The following SLC9A5 variants were observed in gnomAD, a reference collection of about 807,000 sequenced individuals.
The protein encoded by SLC9A5 is solute carrier family 9 member A5, also known as sodium/hydrogen exchanger 5.
SLC9A5 carries 52 observed loss-of-function variants against 91.7 expected under a neutral mutation model. The ratio of observed to expected loss-of-function variants is 0.57; its 90% CI spans 0.45 to 0.71. The LOEUF (loss-of-function observed/expected upper bound fraction) is 0.71. Ranked by LOEUF, SLC9A5 falls within the 30% of genes least tolerant of loss-of-function variation. SLC9A5 has a pLI of 0.00. For missense variants in SLC9A5, 871 were observed against 1,158.9 expected, an observed-to-expected ratio of 0.75 and a Z score of 3.61; for synonymous variants, 419 against 474.5, an observed-to-expected ratio of 0.88 and a Z score of 1.52.
rs757837075 is a variant in SLC9A5, at chr16:67,255,076, G to A, written c.546G>A (p.Ser182=). ...LDFLLFGSLI[S]AVDPVAVLAV... is the part of the protein sequence containing the mutation. ...TCCTGCTGTTTGGGAGCCTCATCTC[G>A]GCGGTGGACCCCGTGGCCGTGCTAG... Residue 182 remains serine (S), a synonymous_variant, in exon 3 of 16, where the codon TCG becomes TCA. Transcript: ENST00000299798. The surrounding 1 kb of genome is among the most constrained non-coding windows in gnomAD (Gnocchi z 4.9). 8.7e-6 allele frequency: 14 copies of A among 1,613,964 alleles called. No homozygotes were observed. The highest frequency in any genetic ancestry group is 5.0e-5 in the Admixed American group (3 of 59,982).
chr16:67,257,721 C>T lies in SLC9A5; in HGVS notation c.1496+120C>T, dbSNP rs143003067. 108 of 1,011,854 alleles carry T rather than the reference C, an allele frequency of 1.1e-4. 1 individual carries two copies. In the East Asian group the frequency reaches 2.6e-3, roughly 24 times the overall value. 62.7% of individuals were successfully genotyped at this position (1,011,854 alleles called of 1,614,324 possible). A position where few individuals can be genotyped will look rare whatever the true frequency, so the allele number is the denominator to read the frequency against. The stretch of plus-strand genomic sequence containing the variant: ...CAGGTTCAGGCTGGGTGACCTCTGC[C>T]TGAAGCCCTTCAGTGGCATCCCAGT... On this transcript the variant is annotated intron_variant, in intron 9 of 15. Coordinates refer to ENST00000299798, the MANE Select transcript of SLC9A5 (RefSeq NM_004594.3). This position sits in a 1 kb window ranked among gnomAD's most constrained non-coding sequence, Gnocchi z 5.1.
chr16:67,270,617 C>G lies in SLC9A5; in HGVS notation c.2219-121C>G, dbSNP rs755262877. On this transcript the variant is annotated intron_variant, in intron 15 of 15. Coordinates refer to ENST00000299798, the MANE Select transcript of SLC9A5 (RefSeq NM_004594.3). The surrounding 1 kb of genome is among the most constrained non-coding windows in gnomAD (Gnocchi z 4.3). ...TGGTACTTCGCCTCAGCAAGACATT[C>G]ATCCGATAATCGCAAAAATGGACGG... 20 of 694,888 alleles carry G rather than the reference C, an allele frequency of 2.9e-5. No homozygotes were observed. Among genetic ancestry groups the G allele is most frequent in the Non-Finnish European group, 4.8e-5 (20 of 419,536 alleles). The allele number at this position is 694,888 out of a possible 1,614,324, so 43.0% of individuals were successfully genotyped here.
intron 12 of SLC9A5, chr16:67,262,623 TG>T (rs1253334261): frequency 7.4e-6 from 2 of 268,476 alleles, no homozygotes; most frequent in African/African-American, 4.4e-5. Flanking sequence ...TGACTGATGT[TG>T]GGGGACCACA....
intron 2 of SLC9A5, 121 bp from the exon 3 acceptor site, chr16:67,254,900 G>A: frequency 1.1e-6 from 1 of 911,198 alleles, no homozygotes; most frequent in Non-Finnish European, 1.6e-6. Flanking sequence ...GCCATCCCAA[G>A]TCCTCTTTGG....
chr16:67,265,693 G>C (rs8052493), intron 14 of SLC9A5, among the ~76,000 whole-genome samples: 5,302 of 152,248 alleles, frequency 0.035, 308 homozygotes, highest in African/African-American at 0.12. Flanking sequence ...AAAGTGTTGG[G>C]ATTACAGGTG....
chr16:67,268,660 A>T (rs186003433), intron 15 of SLC9A5, among the ~76,000 whole-genome samples: 808 of 13,378 alleles, frequency 0.06, 7 homozygotes, highest in African/African-American at 0.18. Context: ...TTCCCTGATT[A>T]TATATATATA....
chr16:67,262,299 C>T (rs1220110489), intron 12 of SLC9A5: 2 of 457,082 alleles, frequency 4.4e-6, no homozygotes, highest in Admixed American at 4.7e-5. Context: ...GGTATGGTAA[C>T]TCAACCAGTT....
chr16:67,256,025 T>C lies in SLC9A5; in HGVS notation c.911+95T>C, dbSNP rs141308182. Reference sequence around the variant, plus strand: ...CACAGGCAGGAACTTCAGGAGTCCATAGGTTTCCCTGAGCCCTTGTGGTAG... The same window carrying C: ...CACAGGCAGGAACTTCAGGAGTCCACAGGTTTCCCTGAGCCCTTGTGGTAG... On this transcript the variant is annotated intron_variant, in intron 5 of 15. Coordinates refer to ENST00000299798, the MANE Select transcript of SLC9A5 (RefSeq NM_004594.3). This position sits in a 1 kb window ranked among gnomAD's most constrained non-coding sequence, Gnocchi z 4.1. 8.2e-6 allele frequency: 11 copies of C among 1,341,072 alleles called. No individual in the cohort carries two copies. Among genetic ancestry groups the C allele is most frequent in the East Asian group, 2.4e-5 (1 of 40,948 alleles). 83.1% of individuals were successfully genotyped at this position (1,341,072 alleles called of 1,614,324 possible). A position where few individuals can be genotyped will look rare whatever the true frequency, so the allele number is the denominator to read the frequency against.
chr16:67,258,685 T>G lies in SLC9A5; in HGVS notation c.1626+238T>G, dbSNP rs2035408494. Among the ~76,000 whole-genome samples, 1 of 152,164 alleles carries G rather than the reference T, an allele frequency of 6.6e-6. No homozygotes were observed. The highest frequency in any genetic ancestry group is 2.1e-4 in the South Asian group (1 of 4,824). On this transcript the variant is annotated intron_variant, in intron 10 of 15. Transcript: ENST00000299798. This position sits in a 1 kb window ranked among gnomAD's most constrained non-coding sequence, Gnocchi z 4.5. ...TGGACTCTGGGGTCAGCTCAACCAT[T>G]ATCACTTCCAAGCTTGTGACCTTGG...
rs2035077332 is a variant in SLC9A5, at chr16:67,250,549, A to C, written c.187+1348A>C. ...AGCAAAAACTGTAGTTTTCCCCATA[A>C]ATCATGGTTCTTTTTCTAGTTTGGA... On this transcript the variant is annotated intron_variant, in intron 1 of 15. Transcript: ENST00000299798. Among the ~76,000 whole-genome samples the C allele has an allele frequency of 2.0e-5, 3 of 152,246 alleles. No homozygotes were observed. The South Asian group carries it at 6.2e-4, about 31-fold the overall frequency.
chr16:67,266,908 T>TC (rs1453610313), intron 15 of SLC9A5, among the ~76,000 whole-genome samples: 1 of 141,250 alleles, frequency 7.1e-6, no homozygotes, highest in East Asian at 1.9e-4. Flanking sequence ...TTTTTCTTTT[T>TC]CTTTTTTTTT....
At chr16:67,267,914 C>T (rs1278016120) in intron 15 of SLC9A5, among the ~76,000 whole-genome samples, 1 of 152,206 alleles carries the variant, frequency 6.6e-6, no homozygotes, top group Non-Finnish European at 1.5e-5. Flanking sequence ...ACCTAAACCT[C>T]ACCTATGCCC....
rs375616125 is a variant in SLC9A5, at chr16:67,271,081, G to C, written c.2562G>C (p.Glu854Asp). ...CCAAGGCTGGCCGCTCTCGCAGTGA[G>C]AGCAGCGCTGACCTCCCCCAGCAGC... ...SLAKAGRSRS[E>D]SSADLPQQQE... Residue 854 changes from glutamate to aspartate, a missense_variant, in exon 16 of 16, where the codon GAG becomes GAC. By Grantham distance (45) the Glu-to-Asp change is conservative (BLOSUM62 2). Coordinates refer to ENST00000299798, the MANE Select transcript of SLC9A5 (RefSeq NM_004594.3). The C allele has an allele frequency of 6.2e-6, 10 of 1,613,624 alleles. No individual in the cohort carries two copies. In the South Asian group the frequency reaches 6.6e-5, roughly 11 times the overall value.
chr16:67,263,743 C>T (rs2035607397), intron 12 of SLC9A5: 1 of 153,258 alleles, frequency 6.5e-6, no homozygotes, highest in Non-Finnish European at 1.4e-5. Flanking sequence ...GAGATCGTGC[C>T]ATTGCACTCC....
In SLC9A5 at chr16:67,256,699, GC is replaced by G. The variant is rs1188476600; in HGVS notation, c.1132+11del. 38 of 1,599,154 alleles carry G rather than the reference GC, an allele frequency of 2.4e-5. No homozygotes were observed. Among genetic ancestry groups the G allele is most frequent in the Non-Finnish European group, 3.3e-5 (38 of 1,168,992 alleles). On this transcript the variant is annotated intron_variant, in intron 6 of 15. Transcript: ENST00000299798. This position sits in a 1 kb window ranked among gnomAD's most constrained non-coding sequence, Gnocchi z 4.1. ...TTCTTCCGAGCCCTCGGTATTGCTG[GC>G]ACCCTCTGCTTTCCCACTCTCCTTC...
At position 67,252,542 on chromosome 16, in the gene SLC9A5, T is replaced by C. The variant is rs757198529; in HGVS notation, c.188T>C (p.Val63Ala). 1.2e-6 allele frequency: 2 copies of C among 1,610,388 alleles called. No homozygotes were observed. The highest frequency in any genetic ancestry group is 1.3e-5 in the African/African-American group (1 of 74,950). ...ATCCTGCACTCTTTTTGCATTGCAG[T>C]GTTTCACCTGTCTCGGAAAGTAACA... is the stretch of plus-strand genomic sequence containing the variant. ...WILVASLAKI[V>A]FHLSRKVTSL... The change falls in exon 2 of 16, where the codon GTG (valine) becomes GCG (alanine). Residue 63 changes from valine to alanine, a missense_variant and splice_region_variant. Val to Ala is a moderately conservative substitution (Grantham distance 64, BLOSUM62 0). Transcript: ENST00000299798. The surrounding 1 kb of genome is among the most constrained non-coding windows in gnomAD (Gnocchi z 4.0).
chr16:67,265,089 T>G lies in SLC9A5; in HGVS notation c.2063T>G (p.Leu688Arg). ...GCTACAAATGGGAAACATCGAGGCCTGGGCTTTCAGGACACAGGCAAGCAG... is the reference window on the plus strand; with the variant it reads ...GCTACAAATGGGAAACATCGAGGCCGGGGCTTTCAGGACACAGGCAAGCAG... ...AEATNGKHRG[L>R]GFQDTAAVIL... is the part of the protein sequence containing the mutation. The change falls in exon 14 of 16, where the codon CTG becomes CGG. Residue 688 changes from leucine to arginine, a missense_variant. By Grantham distance (102) the Leu-to-Arg change is moderately radical. This residue lies in a region of SLC9A5 where 295 missense variants were observed against 326.0 expected (regional missense o/e 0.90). Coordinates refer to ENST00000299798, the MANE Select transcript of SLC9A5 (RefSeq NM_004594.3). The G allele has an allele frequency of 6.2e-7, 1 of 1,614,036 alleles. No individual in the cohort carries two copies. The highest frequency in any genetic ancestry group is 8.5e-7 in the Non-Finnish European group (1 of 1,179,992).
Position 67,265,118 on chromosome 16 carries a change from G to A in SLC9A5, c.2080+12G>A. ...CTTTCAGGACACAGGCAAGCAGGGAGCAGTGTGGGATTGAGGATGGGAGGG... is the reference window on the plus strand; with the variant it reads ...CTTTCAGGACACAGGCAAGCAGGGAACAGTGTGGGATTGAGGATGGGAGGG... On this transcript the variant is annotated intron_variant, in intron 14 of 15. Transcript: ENST00000299798. 2 of 1,613,590 alleles carry A rather than the reference G, an allele frequency of 1.2e-6. No homozygotes were observed. The highest frequency in any genetic ancestry group is 1.7e-6 in the Non-Finnish European group (2 of 1,179,586).
rs766092203 is a variant in SLC9A5 at position 67,255,582 on chromosome 16, C to A, written c.733+111C>A. 1.3e-5 allele frequency: 17 copies of A among 1,335,720 alleles called. No individual in the cohort carries two copies. In the African/African-American group the frequency reaches 2.2e-4, roughly 17 times the overall value. 82.7% of individuals were successfully genotyped at this position (1,335,720 alleles called of 1,614,324 possible). A position where few individuals can be genotyped will look rare whatever the true frequency, so the allele number is the denominator to read the frequency against. Reference sequence around the variant, plus strand: ...GAGGCTATTCGGGTTGCCTCATCTCCTCTATAGAGAAATGGGGTCTGGGAG... The same window carrying A: ...GAGGCTATTCGGGTTGCCTCATCTCATCTATAGAGAAATGGGGTCTGGGAG... On this transcript the variant is annotated intron_variant, in intron 4 of 15. Transcript: ENST00000299798. This position sits in a 1 kb window ranked among gnomAD's most constrained non-coding sequence, Gnocchi z 4.9.
Sources: gnomAD v4.1 joint callset for allele counts (sites outside exome capture counted in the v4.1 genomes callset) on GRCh38, gnomAD v4.1.1 for gene constraint, gnomAD v4.1.1 regional missense constraint, Gnocchi (gnomAD v3.1) non-coding constraint, MANE v1.5 for transcripts, NCBI Gene and HGNC (gene_info 2026-07-23, HGNC 2026-07-21) for gene names.